ACVR1: variants seen among roughly 807,000 people sequenced by gnomAD.
ACVR1 encodes activin A receptor type 1, also known as activin receptor type-1.
Under a neutral mutation model 57.1 loss-of-function variants are expected in ACVR1, and 38 were observed. That is an observed-to-expected ratio of 0.67 (90% CI 0.51 to 0.87). The LOEUF (loss-of-function observed/expected upper bound fraction) is 0.87, where lower values mean the gene tolerates loss of function less well. Among genes scored for constraint, ACVR1 ranks in the 40% least tolerant of loss-of-function variants. The pLI is 0.00. For synonymous variants in ACVR1, 212 were observed against 228.1 expected, an observed-to-expected ratio of 0.93 and a Z score of 0.63; for missense variants, 463 against 638.2, an observed-to-expected ratio of 0.73 and a Z score of 2.96.
rs1016258918 is a variant in ACVR1 at position 157,875,873 on chromosome 2, C to CGCGGGGCGGCGCGGGGCGGG, written c.-280_-261dup. On this transcript the variant is annotated 5_prime_UTR_variant, in exon 1 of 11. Coordinates refer to ENST00000434821, the MANE Select transcript of ACVR1 (RefSeq NM_001111067.4). ...AGCCGGGCGCTGCAGGTCGGCGCGG[C>CGCGGGGCGGCGCGGGGCGGG]GCGGGGCGGCGCGGGGCGGGGCGGG... The CGCGGGGCGGCGCGGGGCGGG allele has an allele frequency of 2.0e-5, 3 of 147,020 alleles. No individual in the cohort carries two copies. The highest frequency in any genetic ancestry group is 6.8e-5 in the Admixed American group (1 of 14,672). 9.1% of individuals were successfully genotyped at this position (147,020 alleles called of 1,614,324 possible).
chr2:157,788,769 T>A (rs1686805777), intron 3 of ACVR1, among the ~76,000 whole-genome samples: 2 of 152,056 alleles, frequency 1.3e-5, no homozygotes, highest in Non-Finnish European at 2.9e-5. Flanking sequence ...TTACTTTCCA[T>A]CCTAGATGAA....
At chr2:157,845,264 C>T (rs1689095176) in intron 1 of ACVR1, among the ~76,000 whole-genome samples, 1 of 152,146 alleles carries the variant, frequency 6.6e-6, no homozygotes, top group Non-Finnish European at 1.5e-5. Flanking sequence ...TGAGTGTGAC[C>T]TTATTTGGGA....
chr2:157,797,702 A>G (rs1453908312), intron 3 of ACVR1, among the ~76,000 whole-genome samples: 1 of 152,204 alleles, frequency 6.6e-6, no homozygotes, highest in Non-Finnish European at 1.5e-5. Context: ...AAAGTGAGTA[A>G]TGAAAGTAAG....
At chr2:157,792,687 C>T (rs1026994738) in intron 3 of ACVR1, among the ~76,000 whole-genome samples, 7 of 152,144 alleles carry the variant, frequency 4.6e-5, no homozygotes, top group African/African-American at 1.7e-4. Context: ...AGGTTTCTTT[C>T]TGTCTTTTCA....
chr2:157,839,008 C>T (rs1352321532), intron 1 of ACVR1, among the ~76,000 whole-genome samples: 2 of 152,204 alleles, frequency 1.3e-5, no homozygotes. Flanking sequence ...CCCAGAAATG[C>T]TCATCACCCA....
intron 1 of ACVR1, among the ~76,000 whole-genome samples, chr2:157,869,422 T>C (rs1300477353): frequency 6.6e-6 from 1 of 152,218 alleles, no homozygotes; most frequent in African/African-American, 2.4e-5. Flanking sequence ...CAGTTTTTTC[T>C]CTAACTGCTT....
At chr2:157,741,868 G>A (rs1684785831) in intron 9 of ACVR1, among the ~76,000 whole-genome samples, 1 of 152,100 alleles carries the variant, frequency 6.6e-6, no homozygotes, top group African/African-American at 2.4e-5. Flanking sequence ...CTTCCAGGAG[G>A]GAAGTGGGGC....
chr2:157,776,146 T>G (rs1408677928), intron 5 of ACVR1, among the ~76,000 whole-genome samples: 1 of 152,240 alleles, frequency 6.6e-6, no homozygotes, highest in Non-Finnish European at 1.5e-5. Context: ...TTTTAAATAG[T>G]GTTCTTTACT....
At chr2:157,817,827 C>T (rs1409188239) in intron 2 of ACVR1, among the ~76,000 whole-genome samples, 7 of 151,794 alleles carry the variant, frequency 4.6e-5, no homozygotes, top group African/African-American at 7.3e-5. Flanking sequence ...GGTGAAACCC[C>T]GTCTCTACTA....
chr2:157,817,210 A>G (rs1687971283), intron 2 of ACVR1, among the ~76,000 whole-genome samples: 1 of 151,762 alleles, frequency 6.6e-6, no homozygotes, highest in Non-Finnish European at 1.5e-5. Flanking sequence ...CAATCTTCCT[A>G]CTTTGGCCTC....
intron 3 of ACVR1, among the ~76,000 whole-genome samples, chr2:157,798,764 G>A (rs886224673): frequency 1.1e-4 from 16 of 152,092 alleles, no homozygotes; most frequent in African/African-American, 2.7e-4. Flanking sequence ...TTGACCTCAA[G>A]TGATCCACCT....
In ACVR1 at chr2:157,818,496, C is replaced by T. The variant is rs1387717047; in HGVS notation, c.-119G>A. ...GTACTCGGAGAGTAGAAGAGGCGTT[C>T]CTGGGATTATGAGTTCTCCAGCAGC... On this transcript the variant is annotated 5_prime_UTR_variant, in exon 2 of 11. Transcript: ENST00000434821. 2.6e-5 allele frequency: 4 copies of T among 152,204 alleles called. No individual in the cohort carries two copies. Among genetic ancestry groups the T allele is most frequent in the Non-Finnish European group, 5.9e-5 (4 of 68,092 alleles). 9.4% of individuals were successfully genotyped at this position (152,204 alleles called of 1,614,324 possible).
intron 1 of ACVR1, among the ~76,000 whole-genome samples, chr2:157,821,279 A>T (rs1259673903): frequency 6.6e-6 from 1 of 152,166 alleles, no homozygotes; most frequent in Admixed American, 6.5e-5. Context: ...TAATCCCAGC[A>T]CTTTGAGAGG....
intron 9 of ACVR1, among the ~76,000 whole-genome samples, chr2:157,741,651 A>G (rs1251531508): frequency 6.6e-6 from 1 of 151,806 alleles, no homozygotes; most frequent in East Asian, 1.9e-4. Flanking sequence ...AAGAAAAAAG[A>G]AAAGAAAAAG....
At chr2:157,836,649 C>G (rs1688792056) in intron 1 of ACVR1, among the ~76,000 whole-genome samples, 1 of 152,186 alleles carries the variant, frequency 6.6e-6, no homozygotes, top group Admixed American at 6.5e-5. Flanking sequence ...ACCAGGAAAT[C>G]ATCACCACCT....
chr2:157,789,178 G>A (rs998492989), intron 3 of ACVR1, among the ~76,000 whole-genome samples: 1 of 152,010 alleles, frequency 6.6e-6, no homozygotes, highest in Non-Finnish European at 1.5e-5. Flanking sequence ...TTTTACCCCT[G>A]GGCCCACAGA....
At position 157,736,824 on chromosome 2, in the gene ACVR1, A is replaced by C; in HGVS notation, c.*707T>G. The C allele has an allele frequency of 2.9e-6, 1 of 342,502 alleles. No individual in the cohort carries two copies. Among genetic ancestry groups the C allele is most frequent in the Non-Finnish European group, 5.4e-6 (1 of 186,610 alleles). The allele number at this position is 342,502 out of a possible 1,614,324, so 21.2% of individuals were successfully genotyped here. On this transcript the variant is annotated 3_prime_UTR_variant, in exon 11 of 11. Coordinates refer to ENST00000434821, the MANE Select transcript of ACVR1 (RefSeq NM_001111067.4). ...TAATAAAATCATAAGACCACATAAA[A>C]ATAAGCTTTAACATATGCACAAAGC...
Position 157,801,920 on chromosome 2 carries a change from T to G in ACVR1, c.-7-2420A>C, listed in dbSNP as rs1687340385. Among the ~76,000 whole-genome samples the G allele has an allele frequency of 7.2e-5, 11 of 152,190 alleles. No individual in the cohort carries two copies. In the South Asian group the frequency reaches 2.3e-3, roughly 31 times the overall value. On this transcript the variant is annotated intron_variant, in intron 2 of 10. Coordinates refer to ENST00000434821, the MANE Select transcript of ACVR1 (RefSeq NM_001111067.4). ...TTCAAGAACTACTCAAAACCTACTA[T>G]GTGCTACATATTAGGAACCTAAAAT...
intron 4 of ACVR1, 92 bp downstream of exon 4, chr2:157,780,245 T>A: frequency 6.4e-7 from 1 of 1,557,626 alleles, no homozygotes; most frequent in Non-Finnish European, 8.8e-7. Context: ...GTAGGTGGAA[T>A]GCCTCATAGC....
Sources: gnomAD v4.1 joint callset for allele counts (sites outside exome capture counted in the v4.1 genomes callset) on GRCh38, gnomAD v4.1.1 for gene constraint, MANE v1.5 for transcripts, NCBI Gene and HGNC (gene_info 2026-07-23, HGNC 2026-07-21) for gene names.